Variants in STOM observed in about 807,000 individuals in gnomAD.
STOM encodes stomatin.
A neutral mutation model predicts 30.6 loss-of-function variants in STOM; 25 were observed. That is an observed-to-expected ratio of 0.82 (90% CI 0.60 to 1.14). The LOEUF (loss-of-function observed/expected upper bound fraction) is 1.14, where lower values mean the gene tolerates loss of function less well. Ranked by LOEUF, STOM falls within the 50% of genes most tolerant of loss-of-function variation. STOM has a pLI of 0.00. For synonymous variants in STOM, 118 were observed against 130.8 expected (o/e 0.90, Z 0.67); for missense variants, 292 against 365.2 (o/e 0.80, Z 1.63).
Position 121,341,092 on chromosome 9 carries a change from G to A in STOM, c.*110C>T. The A allele has an allele frequency of 1.3e-6, 2 of 1,553,784 alleles. No homozygotes were observed. The highest frequency in any genetic ancestry group is 1.7e-6 in the Non-Finnish European group (2 of 1,151,300). The stretch of plus-strand genomic sequence containing the variant: ...TTTTTATAACTGCTATACATTCTGG[G>A]AACACCACAATTGACATATGGAAAA... On this transcript the variant is annotated 3_prime_UTR_variant, in exon 7 of 7. Coordinates refer to ENST00000286713, the MANE Select transcript of STOM (RefSeq NM_004099.6).
intron 1 of STOM, among the ~76,000 whole-genome samples, chr9:121,363,023 G>C (rs897180192): frequency 1.3e-5 from 2 of 152,190 alleles, no homozygotes; most frequent in Non-Finnish European, 2.9e-5. Flanking sequence ...TCATCACTGA[G>C]ATTTTATTAT....
At chr9:121,358,633 A>G (rs2064420601) in intron 1 of STOM, among the ~76,000 whole-genome samples, 1 of 152,240 alleles carries the variant, frequency 6.6e-6, no homozygotes, top group Admixed American at 6.5e-5. Flanking sequence ...AACTTCATTT[A>G]GATCAATATG....
chr9:121,349,840 T>C (rs989195345), intron 4 of STOM, among the ~76,000 whole-genome samples: 9 of 152,232 alleles, frequency 5.9e-5, no homozygotes, highest in African/African-American at 1.7e-4. Flanking sequence ...AAAACATATT[T>C]TACAGCATGC....
At chr9:121,349,762 A>G (rs1253088382) in intron 4 of STOM, among the ~76,000 whole-genome samples, 2 of 152,234 alleles carry the variant, frequency 1.3e-5, no homozygotes, top group African/African-American at 4.8e-5. Flanking sequence ...TTGATAAACT[A>G]CAAGTTCCAC....
Position 121,353,275 on chromosome 9 carries a change from T to C in STOM, c.266A>G (p.Asp89Gly). ...TCTCATGTCCACTTTGATGAAGCTGTCAGTGCATGGCAGAATAAAAAACAA... is the reference window on the plus strand; with the variant it reads ...TCTCATGTCCACTTTGATGAAGCTGCCAGTGCATGGCAGAATAAAAAACAA... ...PGLFFILPCT[D>G]SFIKVDMRTI... is the part of the protein sequence containing the mutation. The change falls in exon 4 of 7, where the codon GAC becomes GGC. Residue 89 changes from aspartate to glycine, a missense_variant. Coordinates refer to ENST00000286713, the MANE Select transcript of STOM (RefSeq NM_004099.6). 1 of 1,612,026 alleles carries C rather than the reference T, an allele frequency of 6.2e-7. No individual in the cohort carries two copies. The highest frequency in any genetic ancestry group is 8.5e-7 in the Non-Finnish European group (1 of 1,179,076).
At chr9:121,344,837 A>T (rs188539895) in intron 6 of STOM, among the ~76,000 whole-genome samples, 158 of 152,290 alleles carry the variant, frequency 1.0e-3, no homozygotes, top group African/African-American at 3.3e-3. Context: ...TGTTTTTCTG[A>T]GAGTTATGAA....
At chr9:121,345,249 CTG>C (rs1167019800) in intron 6 of STOM, among the ~76,000 whole-genome samples, 1 of 152,186 alleles carries the variant, frequency 6.6e-6, no homozygotes, top group Admixed American at 6.5e-5. Flanking sequence ...CATTGCCAGA[CTG>C]TTTTCCACAG....
chr9:121,352,793 A>G (rs1447047121), intron 4 of STOM, among the ~76,000 whole-genome samples: 2 of 152,180 alleles, frequency 1.3e-5, no homozygotes, highest in African/African-American at 4.8e-5. Flanking sequence ...AAGGCAGTCA[A>G]GGTCTAAAGC....
intron 1 of STOM, among the ~76,000 whole-genome samples, chr9:121,369,719 G>T (rs1278058999): frequency 6.6e-6 from 1 of 152,144 alleles, no homozygotes; most frequent in Non-Finnish European, 1.5e-5. Flanking sequence ...TGGAGGAGGC[G>T]GCCTTCGAGA....
chr9:121,339,696 C>T lies in STOM; in HGVS notation c.*1506G>A. The T allele has an allele frequency of 8.1e-7, 1 of 1,231,392 alleles. No individual in the cohort carries two copies. Among genetic ancestry groups the T allele is most frequent in the African/African-American group, 1.6e-5 (1 of 64,514 alleles). 76.3% of individuals were successfully genotyped at this position (1,231,392 alleles called of 1,614,324 possible). ...CCAGTAAGCAGAATGCCAGGTTGCT[C>T]AGATTCACAGACATTTGCAAAACAG... On this transcript the variant is annotated 3_prime_UTR_variant, in exon 7 of 7. Coordinates refer to ENST00000286713, the MANE Select transcript of STOM (RefSeq NM_004099.6).
At chr9:121,353,325 A>T in intron 3 of STOM, 23 bp from the exon 4 acceptor site, 1 of 1,539,870 alleles carries the variant, frequency 6.5e-7, no homozygotes, top group Non-Finnish European at 8.9e-7. Flanking sequence ...TACACACATT[A>T]TACAGACACC....
intron 5 of STOM, among the ~76,000 whole-genome samples, chr9:121,348,794 G>A (rs1400807801): frequency 6.6e-6 from 1 of 152,054 alleles, no homozygotes; most frequent in Non-Finnish European, 1.5e-5. Flanking sequence ...TAATTCATGG[G>A]ACTCACACAC....
intron 1 of STOM, among the ~76,000 whole-genome samples, chr9:121,359,712 A>G (rs999336089): frequency 6.6e-6 from 1 of 152,150 alleles, no homozygotes; most frequent in Non-Finnish European, 1.5e-5. Flanking sequence ...AAGTCACACA[A>G]TGGAAGACCT....
intron 1 of STOM, chr9:121,369,788 G>T (rs1232544091): frequency 3.3e-6 from 1 of 303,198 alleles, no homozygotes; most frequent in Non-Finnish European, 6.1e-6. Context: ...CCCGGTCCCC[G>T]CCTCGCTGGC....
In STOM at chr9:121,339,232, A is replaced by G. The variant is rs2064225378; in HGVS notation, c.*1970T>C. On this transcript the variant is annotated 3_prime_UTR_variant, in exon 7 of 7. Transcript: ENST00000286713. ...ATTGGACTACGAATTCACAAGGCAGAAAAGTCAAGGTCATTTGGTATCTGG... is the reference window on the plus strand; with the variant it reads ...ATTGGACTACGAATTCACAAGGCAGGAAAGTCAAGGTCATTTGGTATCTGG... 1 of 156,590 alleles carries G rather than the reference A, an allele frequency of 6.4e-6. No homozygotes were observed. Among genetic ancestry groups the G allele is most frequent in the Non-Finnish European group, 1.4e-5 (1 of 71,106 alleles). The allele number at this position is 156,590 out of a possible 1,614,324, so 9.7% of individuals were successfully genotyped here.
intron 5 of STOM, among the ~76,000 whole-genome samples, chr9:121,348,688 A>G (rs1342844445): frequency 6.6e-6 from 1 of 152,232 alleles, no homozygotes; most frequent in Admixed American, 6.5e-5. Context: ...TATACAAATA[A>G]TAAGAATCCA....
At chr9:121,356,678 A>AATATC (rs2064393901) in intron 1 of STOM, among the ~76,000 whole-genome samples, 1 of 152,122 alleles carries the variant, frequency 6.6e-6, no homozygotes, top group Admixed American at 6.6e-5. Context: ...ATAGTAAGAA[A>AATATC]ATATCGACGA....
intron 1 of STOM, among the ~76,000 whole-genome samples, chr9:121,369,368 G>A (rs2064538544): frequency 6.6e-6 from 1 of 151,924 alleles, no homozygotes; most frequent in South Asian, 2.1e-4. Context: ...CTCCTGAGAG[G>A]TCCACCATCT....
In STOM at chr9:121,339,354, C is replaced by A. The variant is rs1328445285; in HGVS notation, c.*1848G>T. Reference sequence around the variant, plus strand: ...GAGGCTCCTGGTCCTCAAGGGTGAACCACTTCACACAACAGATAAAACCAT... The same window carrying A: ...GAGGCTCCTGGTCCTCAAGGGTGAAACACTTCACACAACAGATAAAACCAT... On this transcript the variant is annotated 3_prime_UTR_variant, in exon 7 of 7. Coordinates refer to ENST00000286713, the MANE Select transcript of STOM (RefSeq NM_004099.6). The A allele has an allele frequency of 1.3e-5, 4 of 317,144 alleles. No homozygotes were observed. Among genetic ancestry groups the A allele is most frequent in the Non-Finnish European group, 2.1e-5 (4 of 187,182 alleles). 19.6% of individuals were successfully genotyped at this position (317,144 alleles called of 1,614,324 possible).
Sources: allele counts gnomAD v4.1 joint callset (sites outside exome capture counted in the v4.1 genomes callset), GRCh38; gene constraint gnomAD v4.1.1; transcripts MANE v1.5; gene names NCBI Gene and HGNC (gene_info 2026-07-23, HGNC 2026-07-21).